SDK2: variants seen among roughly 807,000 people sequenced by gnomAD.
SDK2 encodes sidekick cell adhesion molecule 2.
A neutral mutation model predicts 253.9 loss-of-function variants in SDK2; 105 were observed. The observed-to-expected ratio is 0.41, with a 90% confidence interval of 0.35 to 0.49. The LOEUF is 0.49. Among genes scored for constraint, SDK2 ranks in the 20% least tolerant of loss-of-function variants. SDK2 has a pLI of 0.06. For missense variants in SDK2, 2,608 were observed against 3,003.0 expected (o/e 0.87, Z 3.07); for synonymous variants, 1,249 against 1,234.9 (o/e 1.01, Z -0.24).
chr17:73,402,836 C>T (rs917062349), intron 18 of SDK2, among the ~76,000 whole-genome samples: 7 of 151,962 alleles, frequency 4.6e-5, no homozygotes, highest in South Asian at 2.1e-4. Flanking sequence ...CTTACTTTGT[C>T]GCCCAGGCTG....
intron 1 of SDK2, among the ~76,000 whole-genome samples, chr17:73,608,512 G>A (rs1371496611): frequency 6.6e-6 from 1 of 152,060 alleles, no homozygotes; most frequent in Non-Finnish European, 1.5e-5. Flanking sequence ...GCGCGATCTC[G>A]GCTCACTGCA....
intron 4 of SDK2, among the ~76,000 whole-genome samples, chr17:73,448,640 A>G (rs2063470471): frequency 6.6e-6 from 1 of 150,650 alleles, no homozygotes; most frequent in Non-Finnish European, 1.5e-5. Flanking sequence ...TTGGGATTAC[A>G]GGCGTGAGCC....
chr17:73,513,834 G>T (rs1311436373), intron 1 of SDK2: 3 of 152,232 alleles, frequency 2.0e-5, no homozygotes, highest in African/African-American at 7.2e-5. Flanking sequence ...CTCAGGCATG[G>T]AATAGGGTGG....
chr17:73,516,779 A>T (rs1416513323), intron 1 of SDK2: 3 of 152,288 alleles, frequency 2.0e-5, no homozygotes, highest in Non-Finnish European at 2.9e-5. Flanking sequence ...TGGCCTCCGC[A>T]GCTGTTCCTG....
At chr17:73,522,244 C>T (rs1191839183) in intron 1 of SDK2, among the ~76,000 whole-genome samples, 2 of 152,252 alleles carry the variant, frequency 1.3e-5, no homozygotes, top group Non-Finnish European at 2.9e-5. Flanking sequence ...GGATGGGCTG[C>T]CCCAAAGGCA....
intron 19 of SDK2, 37 bp downstream of exon 19, chr17:73,401,909 G>T (rs371867380): frequency 3.1e-5 from 46 of 1,492,034 alleles, no homozygotes; most frequent in Non-Finnish European, 4.0e-5. Context: ...GCCTTGGGCG[G>T]GGGGGGGCAG....
At position 73,480,927 on chromosome 17, in the gene SDK2, T is replaced by C. The variant is rs144089434; in HGVS notation, c.225-8709A>G. On this transcript the variant is annotated intron_variant, in intron 2 of 44. Transcript: ENST00000392650. The stretch of plus-strand genomic sequence containing the variant: ...ATGTCTGTTTTTCTATTTTAAGCAG[T>C]TTCTGTCCTGTGCTGTAATTCCCCT... Among the ~76,000 whole-genome samples, 1,050 of 152,318 alleles carry C rather than the reference T, an allele frequency of 6.9e-3. 9 individuals are homozygous for C. Among genetic ancestry groups the C allele is most frequent in the African/African-American group, 0.024 (992 of 41,558 alleles).
rs375363469 is a variant in SDK2, at chr17:73,431,723, C to A, written c.1313-54G>T. The A allele has an allele frequency of 3.0e-4, 453 of 1,515,580 alleles. 3 individuals are homozygous for A. The African/African-American group carries it at 4.4e-3, about 15-fold the overall frequency. 93.9% of individuals were successfully genotyped at this position (1,515,580 alleles called of 1,614,324 possible). A position where few individuals can be genotyped will look rare whatever the true frequency, so the allele number is the denominator to read the frequency against. ...CTGTAGCCCCCAAGGGCACACCCTG[C>A]CCTTCCCTGGCCGCTCCAGGGCAGC... On this transcript the variant is annotated intron_variant, in intron 10 of 44. Coordinates refer to ENST00000392650, the MANE Select transcript of SDK2 (RefSeq NM_001144952.2). The surrounding 1 kb of genome is among the most constrained non-coding windows in gnomAD (Gnocchi z 5.6).
At chr17:73,420,492 G>T (rs2063220583) in intron 15 of SDK2, among the ~76,000 whole-genome samples, 1 of 151,428 alleles carries the variant, frequency 6.6e-6, no homozygotes, top group African/African-American at 2.4e-5. Context: ...CACCAGGGCT[G>T]GCTAATTTTT....
intron 18 of SDK2, among the ~76,000 whole-genome samples, chr17:73,408,364 C>A (rs1024915715): frequency 6.8e-6 from 1 of 147,978 alleles, no homozygotes; most frequent in Non-Finnish European, 1.5e-5. Flanking sequence ...ACTACAGGTG[C>A]CTGCCACTGC....
At chr17:73,532,282 G>T (rs905236428) in intron 1 of SDK2, among the ~76,000 whole-genome samples, 16 of 148,072 alleles carry the variant, frequency 1.1e-4, no homozygotes, top group African/African-American at 3.7e-4. Context: ...CTAGACAGGA[G>T]CAAGTTCCCT....
intron 36 of SDK2, among the ~76,000 whole-genome samples, chr17:73,378,113 T>C (rs2062798682): frequency 6.6e-6 from 1 of 152,092 alleles, no homozygotes; most frequent in Non-Finnish European, 1.5e-5. Flanking sequence ...GATTTTTTTC[T>C]TTTTTGAGAC....
intron 38 of SDK2, among the ~76,000 whole-genome samples, chr17:73,364,405 G>A (rs1051337256): frequency 6.6e-6 from 1 of 152,096 alleles, no homozygotes; most frequent in Admixed American, 6.5e-5. Flanking sequence ...TCTTGATCTG[G>A]GGTCCGCAGA....
intron 1 of SDK2, among the ~76,000 whole-genome samples, chr17:73,510,615 T>C (rs1289766800): frequency 6.6e-6 from 1 of 152,148 alleles, no homozygotes; most frequent in Non-Finnish European, 1.5e-5. Flanking sequence ...TCCCTCCACC[T>C]CAGCCTCCTG....
intron 12 of SDK2, among the ~76,000 whole-genome samples, chr17:73,427,087 A>AAAAAAAAAG (rs1224224857): frequency 2.0e-5 from 3 of 151,254 alleles, no homozygotes; most frequent in African/African-American, 7.3e-5. Flanking sequence ...TCCATCTCAT[A>AAAAAAAAAG]AAAAAAAAGA....
intron 1 of SDK2, among the ~76,000 whole-genome samples, chr17:73,582,375 G>T (rs1239514934): frequency 6.6e-6 from 1 of 152,154 alleles, no homozygotes; most frequent in Non-Finnish European, 1.5e-5. Flanking sequence ...GCATTTGGGG[G>T]TGCACACCAC....
chr17:73,368,221 C>T (rs1173032107), intron 37 of SDK2, among the ~76,000 whole-genome samples, 186 bp downstream of exon 37: 52 of 152,140 alleles, frequency 3.4e-4, no homozygotes, highest in Admixed American at 3.4e-3. Context: ...GGGACAGCTT[C>T]TCTTTTCTGA....
At chr17:73,613,341 TC>T (rs1191951201) in intron 1 of SDK2, among the ~76,000 whole-genome samples, 1 of 144,940 alleles carries the variant, frequency 6.9e-6, no homozygotes, top group Non-Finnish European at 1.5e-5. Context: ...CCTCGCTCCC[TC>T]CCCCTCTGCT....
chr17:73,595,920 T>C (rs754040154), intron 1 of SDK2, among the ~76,000 whole-genome samples: 8 of 151,200 alleles, frequency 5.3e-5, no homozygotes, highest in Non-Finnish European at 1.0e-4. Context: ...AGCCCGAGAG[T>C]GTGGCAGACA....
Sources: gnomAD v4.1 joint callset for allele counts (sites outside exome capture counted in the v4.1 genomes callset) on GRCh38, gnomAD v4.1.1 for gene constraint, Gnocchi (gnomAD v3.1) non-coding constraint, MANE v1.5 for transcripts, NCBI Gene and HGNC (gene_info 2026-07-23, HGNC 2026-07-21) for gene names.